FAM135B: variants seen among roughly 807,000 people sequenced by gnomAD.
FAM135B encodes family with sequence similarity 135 member B, also known as protein FAM135B.
FAM135B carries 43 observed loss-of-function variants against 127.7 expected under a neutral mutation model. That is an observed-to-expected ratio of 0.34 (90% CI 0.26 to 0.43). FAM135B has a LOEUF of 0.43. Among genes scored for constraint, FAM135B ranks in the 20% least tolerant of loss-of-function variants. FAM135B has a pLI of 1.00. For synonymous variants in FAM135B, 670 were observed against 665.1 expected (o/e 1.01, Z -0.11); for missense variants, 1,558 against 1,725.6 (o/e 0.90, Z 1.72).
At chr8:138,222,551 T>C (rs78827478) in intron 7 of FAM135B, among the ~76,000 whole-genome samples, 16,804 of 152,072 alleles carry the variant, frequency 0.11, 1,254 homozygotes, top group Non-Finnish European at 0.14. Flanking sequence ...AATATAACTG[T>C]TATTTTACTG....
chr8:138,224,655 T>C (rs6986294), intron 7 of FAM135B, among the ~76,000 whole-genome samples: 40 of 152,318 alleles, frequency 2.6e-4, no homozygotes, highest in African/African-American at 9.4e-4. Flanking sequence ...TAGCATATGT[T>C]ATGGACTTGA....
At chr8:138,405,357 T>C (rs4909786) in intron 1 of FAM135B, among the ~76,000 whole-genome samples, 52,307 of 137,316 alleles carry the variant, frequency 0.38, 10,674 homozygotes, top group African/African-American at 0.5. Flanking sequence ...TCTCCTAATG[T>C]TATCCCTCCC....
At chr8:138,356,796 G>A (rs149847615) in intron 2 of FAM135B, among the ~76,000 whole-genome samples, 1 of 152,274 alleles carries the variant, frequency 6.6e-6, no homozygotes, top group Non-Finnish European at 1.5e-5. Flanking sequence ...TACATCAGCT[G>A]AATGGAAGAT....
At chr8:138,205,926 A>G (rs1817516782) in intron 7 of FAM135B, among the ~76,000 whole-genome samples, 1 of 151,818 alleles carries the variant, frequency 6.6e-6, no homozygotes, top group Non-Finnish European at 1.5e-5. Context: ...TCCATTATGC[A>G]TGTATGTACT....
At chr8:138,466,065 T>G (rs1359354169) in intron 1 of FAM135B, among the ~76,000 whole-genome samples, 3 of 152,206 alleles carry the variant, frequency 2.0e-5, no homozygotes. Flanking sequence ...CATGAGCCAC[T>G]GCGCCTGGTC....
At chr8:138,172,527 A>G (rs561969837) in intron 11 of FAM135B, among the ~76,000 whole-genome samples, 68 of 152,238 alleles carry the variant, frequency 4.5e-4, no homozygotes, top group Non-Finnish European at 8.1e-4. Context: ...TCAAATCAGG[A>G]ACTTTCTATT....
intron 1 of FAM135B, among the ~76,000 whole-genome samples, chr8:138,452,907 G>A (rs959096621): frequency 8.5e-5 from 13 of 152,124 alleles, no homozygotes; most frequent in African/African-American, 2.9e-4. Flanking sequence ...AGTTGGTTTG[G>A]CCAGAAGAAA....
At chr8:138,332,811 A>G (rs988678620) in intron 2 of FAM135B, among the ~76,000 whole-genome samples, 1 of 152,166 alleles carries the variant, frequency 6.6e-6, no homozygotes, top group Non-Finnish European at 1.5e-5. Flanking sequence ...CAAACGAAAC[A>G]GCTGGCGGCG....
intron 7 of FAM135B, among the ~76,000 whole-genome samples, chr8:138,206,944 C>A (rs1009496402): frequency 6.6e-6 from 1 of 152,130 alleles, no homozygotes; most frequent in Non-Finnish European, 1.5e-5. Context: ...ACTCCAGCAT[C>A]CCCTCCACCT....
intron 11 of FAM135B, among the ~76,000 whole-genome samples, chr8:138,176,426 C>G (rs1482916386): frequency 2.6e-5 from 4 of 152,228 alleles, no homozygotes; most frequent in Non-Finnish European, 5.9e-5. Context: ...CCAGCTCTAG[C>G]TGGCCACTGG....
chr8:138,174,284 A>G (rs16908431), intron 11 of FAM135B, among the ~76,000 whole-genome samples: 9,640 of 152,240 alleles, frequency 0.063, 546 homozygotes, highest in East Asian at 0.17. Context: ...CTGTGCCGTC[A>G]CCTACATTGC....
chr8:138,136,693 C>T (rs565161132), intron 19 of FAM135B, among the ~76,000 whole-genome samples: 3 of 152,358 alleles, frequency 2.0e-5, no homozygotes, highest in Admixed American at 1.3e-4. Flanking sequence ...TAAAACCTAA[C>T]TCATTGTCAT....
intron 15 of FAM135B, among the ~76,000 whole-genome samples, chr8:138,145,333 C>T (rs1421224303): frequency 2.6e-5 from 4 of 152,072 alleles, no homozygotes; most frequent in African/African-American, 7.2e-5. Context: ...CTGAATACTG[C>T]ATCAGATTTG....
intron 3 of FAM135B, among the ~76,000 whole-genome samples, chr8:138,297,800 T>G (rs1336702175): frequency 6.6e-6 from 1 of 152,058 alleles, no homozygotes; most frequent in Non-Finnish European, 1.5e-5. Context: ...GACTTAAAAT[T>G]TTGATTAGAG....
rs577542355 is a variant in FAM135B, at chr8:138,151,161, T to C, written c.3281+33A>G. 7.5e-6 allele frequency: 11 copies of C among 1,465,558 alleles called. 1 individual carries two copies. The African/African-American group carries it at 1.6e-4, about 21-fold the overall frequency. The allele number at this position is 1,465,558 out of a possible 1,614,324, so 90.8% of individuals were successfully genotyped here. ...ATATGTGGAAAAATCTAAAAGACTG[T>C]TGTGGGAAAGGTAAGCCCGTCAGCC... On this transcript the variant is annotated intron_variant, in intron 13 of 19. Coordinates refer to ENST00000395297, the MANE Select transcript of FAM135B (RefSeq NM_015912.4).
In FAM135B at chr8:138,157,609, C is replaced by T. The variant is rs539334832; in HGVS notation, c.1259-4393G>A. Among the ~76,000 whole-genome samples, 130 of 152,260 alleles carry T rather than the reference C, an allele frequency of 8.5e-4. 1 individual carries two copies. The highest frequency in any genetic ancestry group is 3.4e-3 in the Middle Eastern group (1 of 294). ...GCACCTTCAGCAAAGTCTCAGTATACAAAATCAATGTGCAAAAATCACAAA... is the reference window on the plus strand; with the variant it reads ...GCACCTTCAGCAAAGTCTCAGTATATAAAATCAATGTGCAAAAATCACAAA... On this transcript the variant is annotated intron_variant, in intron 12 of 19. Transcript: ENST00000395297.
rs552034570 is a variant in FAM135B, at chr8:138,141,981, C to A, written c.3639-632G>T. Among the ~76,000 whole-genome samples, 1 of 152,252 alleles carries A rather than the reference C, an allele frequency of 6.6e-6. No individual in the cohort carries two copies. Among genetic ancestry groups the A allele is most frequent in the East Asian group, 1.9e-4 (1 of 5,178 alleles). On this transcript the variant is annotated intron_variant, in intron 16 of 19. Transcript: ENST00000395297. The surrounding 1 kb of genome is among the most constrained non-coding windows in gnomAD (Gnocchi z 4.7). The stretch of plus-strand genomic sequence containing the variant: ...ACCTCTACTCATGATGAGCATAAAA[C>A]CATCCAAGAAAAGAAATCAGTGTCA...
intron 11 of FAM135B, among the ~76,000 whole-genome samples, chr8:138,169,122 CAT>C (rs1820201891): frequency 6.6e-6 from 1 of 151,900 alleles, no homozygotes; most frequent in African/African-American, 2.4e-5. Flanking sequence ...ATATAATATA[CAT>C]AGTGAATTTA....
intron 9 of FAM135B, among the ~76,000 whole-genome samples, chr8:138,188,523 G>A (rs1815791837): frequency 6.6e-6 from 1 of 152,178 alleles, no homozygotes; most frequent in Non-Finnish European, 1.5e-5. Flanking sequence ...TGTGGATACA[G>A]ACAAATCCTA....
Sources: gnomAD v4.1 joint callset for allele counts (sites outside exome capture counted in the v4.1 genomes callset) on GRCh38, gnomAD v4.1.1 for gene constraint, Gnocchi (gnomAD v3.1) non-coding constraint, MANE v1.5 for transcripts, NCBI Gene and HGNC (gene_info 2026-07-23, HGNC 2026-07-21) for gene names.